Variants in CDH23 observed in about 807,000 individuals in gnomAD.
The protein encoded by CDH23 is cadherin-23.
In CDH23, 189 loss-of-function variants were observed where a neutral mutation model predicts 317.1. The ratio of observed to expected loss-of-function variants is 0.60; its 90% CI spans 0.53 to 0.67. The LOEUF (loss-of-function observed/expected upper bound fraction) is 0.67. CDH23 is among the 30% of genes least tolerant of loss of function. The probability of loss-of-function intolerance (pLI) is 0.00; values close to 1 mark genes in which losing one functional copy is unlikely to be tolerated. For missense variants in CDH23, 4,401 were observed against 4,592.4 expected, an observed-to-expected ratio of 0.96 and a Z score of 1.20; for synonymous variants, 1,839 against 1,876.8, an observed-to-expected ratio of 0.98 and a Z score of 0.52.
At chr10:71,686,873 G>A (rs987862448) in intron 18 of CDH23, among the ~76,000 whole-genome samples, 1 of 152,136 alleles carries the variant, frequency 6.6e-6, no homozygotes, top group African/African-American at 2.4e-5. Flanking sequence ...TAAAGGGCAG[G>A]AAAGTCTCTT....
intron 9 of CDH23, among the ~76,000 whole-genome samples, chr10:71,603,731 G>C (rs1860368450): frequency 6.6e-6 from 1 of 152,242 alleles, no homozygotes; most frequent in Non-Finnish European, 1.5e-5. Flanking sequence ...GCCCATGGCA[G>C]CCATGAGGGC....
intron 41 of CDH23, among the ~76,000 whole-genome samples, chr10:71,783,429 C>T (rs1233885956): frequency 6.6e-6 from 1 of 152,236 alleles, no homozygotes; most frequent in African/African-American, 2.4e-5. Flanking sequence ...GGTTTGAATC[C>T]TGGTCTGTCA....
In CDH23 at chr10:71,811,448, C is replaced by T. The variant is rs375384238; in HGVS notation, c.9198+13C>T. The T allele has an allele frequency of 1.9e-4, 300 of 1,613,874 alleles. No homozygotes were observed. The highest frequency in any genetic ancestry group is 2.4e-4 in the Non-Finnish European group (282 of 1,179,900). The stretch of plus-strand genomic sequence containing the variant: ...GTCTGCCCTGCAGGTACCCGGCGAC[C>T]GTGCCCCACAGCCCTAGCCGCCCTC... On this transcript the variant is annotated intron_variant, in intron 63 of 69. Transcript: ENST00000224721.
chr10:71,625,396 TAAAAAAAAAAA>T (rs1156772192), intron 11 of CDH23, among the ~76,000 whole-genome samples: 12 of 19,836 alleles, frequency 6.0e-4, no homozygotes, highest in East Asian at 1.0e-3. Flanking sequence ...CCAAATAAAT[TAAAAAAAAAAA>T]AAAAAAAAAA....
chr10:71,576,300 G>A (rs10999890), intron 8 of CDH23, among the ~76,000 whole-genome samples: 88,185 of 151,986 alleles, frequency 0.58, 26,052 homozygotes, highest in East Asian at 0.81. Context: ...GATCCAGTGG[G>A]CCTCAGGCCC....
intron 28 of CDH23, among the ~76,000 whole-genome samples, chr10:71,720,794 C>T (rs1316637216): frequency 1.3e-5 from 2 of 152,190 alleles, no homozygotes; most frequent in African/African-American, 4.8e-5. Flanking sequence ...AAAAGAGCCC[C>T]CGTCTTCTCT....
chr10:71,609,323 C>A (rs1470312929), intron 9 of CDH23, among the ~76,000 whole-genome samples: 2 of 151,980 alleles, frequency 1.3e-5, no homozygotes, highest in Admixed American at 1.3e-4. Flanking sequence ...CCTCCGACCA[C>A]CTAGAAAACA....
chr10:71,477,329 C>T (rs897272540), intron 3 of CDH23, among the ~76,000 whole-genome samples: 3 of 152,148 alleles, frequency 2.0e-5, no homozygotes, highest in Non-Finnish European at 2.9e-5. Context: ...CCACCATGCC[C>T]GGCTAATTTT....
intron 1 of CDH23, among the ~76,000 whole-genome samples, chr10:71,434,766 A>G (rs542535740): frequency 6.6e-6 from 1 of 152,274 alleles, no homozygotes; most frequent in South Asian, 2.1e-4. Flanking sequence ...GGAGGGAAGC[A>G]GTAGCGGGTG....
chr10:71,539,537 C>A (rs57831107), intron 6 of CDH23, among the ~76,000 whole-genome samples: 4,284 of 151,770 alleles, frequency 0.028, 205 homozygotes, highest in African/African-American at 0.098. Flanking sequence ...TGATGCAAAA[C>A]TAGAGATATA....
chr10:71,720,227 C>A (rs1195884962), intron 28 of CDH23, among the ~76,000 whole-genome samples: 1 of 152,200 alleles, frequency 6.6e-6, no homozygotes, highest in African/African-American at 2.4e-5. Flanking sequence ...CCATTCCTTC[C>A]AGGCTTTTCC....
At chr10:71,593,128 T>G (rs940851097) in intron 9 of CDH23, among the ~76,000 whole-genome samples, 2 of 152,142 alleles carry the variant, frequency 1.3e-5, no homozygotes, top group African/African-American at 4.8e-5. Context: ...CTTTCAAAGA[T>G]AGACAGACTG....
intron 3 of CDH23, among the ~76,000 whole-genome samples, chr10:71,447,637 G>A (rs964534739): frequency 6.6e-6 from 1 of 152,160 alleles, no homozygotes; most frequent in African/African-American, 2.4e-5. Flanking sequence ...GGTAGGGTTT[G>A]GGGATCTGGG....
intron 9 of CDH23, among the ~76,000 whole-genome samples, chr10:71,581,652 A>G (rs550305129): frequency 1.8e-4 from 28 of 152,222 alleles, no homozygotes; most frequent in Non-Finnish European, 3.7e-4. Flanking sequence ...TTTGTGGCCA[A>G]ACTGAGACTG....
At chr10:71,738,421 G>A in intron 34 of CDH23, 77 bp from the exon 35 acceptor site, 2 of 1,579,464 alleles carry the variant, frequency 1.3e-6, no homozygotes, top group Non-Finnish European at 1.7e-6. Flanking sequence ...GTCCCTACTG[G>A]ACCCACGGTG....
chr10:71,578,951 A>G (rs2132404770), intron 9 of CDH23, among the ~76,000 whole-genome samples: 1 of 152,340 alleles, frequency 6.6e-6, no homozygotes, highest in African/African-American at 2.4e-5. Flanking sequence ...ATAGTGATCA[A>G]GAACATGGAG....
At chr10:71,506,720 T>C (rs1241316992) in intron 3 of CDH23, among the ~76,000 whole-genome samples, 1 of 152,138 alleles carries the variant, frequency 6.6e-6, no homozygotes, top group African/African-American at 2.4e-5. Context: ...CGGAGGAGTA[T>C]GTGCCCAGCT....
intron 14 of CDH23, among the ~76,000 whole-genome samples, chr10:71,661,349 C>T (rs1380659780): frequency 6.6e-6 from 1 of 152,188 alleles, no homozygotes; most frequent in African/African-American, 2.4e-5. Flanking sequence ...GCCCTTTAGG[C>T]TTCCACTGTA....
At chr10:71,793,671 T>G in intron 48 of CDH23, 31 bp downstream of exon 48, 1 of 1,456,392 alleles carries the variant, frequency 6.9e-7, no homozygotes, top group Non-Finnish European at 9.3e-7. Context: ...CCCACCTCCC[T>G]CCCAGCTCCC....
Sources: gnomAD v4.1 joint callset for allele counts (sites outside exome capture counted in the v4.1 genomes callset) on GRCh38, gnomAD v4.1.1 for gene constraint, MANE v1.5 for transcripts, NCBI Gene and HGNC (gene_info 2026-07-23, HGNC 2026-07-21) for gene names.